The following SERPINB6 variants were observed in gnomAD, a reference collection of about 807,000 sequenced individuals.
The protein encoded by SERPINB6 is serpin B6.
Under a neutral mutation model 26.1 loss-of-function variants are expected in SERPINB6, and 16 were observed. The observed-to-expected ratio is 0.61, with a 90% CI of 0.42 to 0.93. The LOEUF is 0.93. Ranked by LOEUF, SERPINB6 falls within the 40% of genes least tolerant of loss-of-function variation. The pLI is 0.00. For missense variants in SERPINB6, 420 were observed against 478.0 expected, an observed-to-expected ratio of 0.88 and a Z score of 1.13; for synonymous variants, 174 against 176.6, an observed-to-expected ratio of 0.99 and a Z score of 0.11.
rs181073094 is a variant in SERPINB6 at position 2,955,514 on chromosome 6, T to G, written c.312+10A>C. 7.0e-5 allele frequency: 113 copies of G among 1,614,196 alleles called. No individual in the cohort carries two copies. In the African/African-American group the frequency reaches 1.4e-3, roughly 21 times the overall value. ...TATTTCTTTAGTGAATAAGAGCAAG[T>G]ATGACTTACTGAGAGGAAATCACAA... On this transcript the variant is annotated intron_variant, in intron 3 of 6. Coordinates refer to ENST00000380539, the MANE Select transcript of SERPINB6 (RefSeq NM_004568.6).
Position 2,962,182 on chromosome 6 carries a change from G to A in SERPINB6, c.-10-2840C>T, listed in dbSNP as rs1771192897. ...ACCTTTGTCTGAAGACACGCCCACT[G>A]GGGAGGTGCCTGTCTGGCCAGCCCA... On this transcript the variant is annotated intron_variant, in intron 1 of 6. Coordinates refer to ENST00000380539, the MANE Select transcript of SERPINB6 (RefSeq NM_004568.6). 6.1e-6 allele frequency: 6 copies of A among 985,362 alleles called. No individual in the cohort carries two copies. The Admixed American group carries it at 1.8e-4, about 30-fold the overall frequency. The allele number at this position is 985,362 out of a possible 1,614,324, so 61.0% of individuals were successfully genotyped here.
chr6:2,960,176 G>C (rs3823089), intron 1 of SERPINB6: 2,449 of 152,864 alleles, frequency 0.016, 41 homozygotes, highest in South Asian at 0.06. Context: ...CTGGATAGTC[G>C]GGAGGGGGGA....
intron 1 of SERPINB6, chr6:2,962,114 C>T: frequency 1.0e-6 from 1 of 985,422 alleles, no homozygotes; most frequent in South Asian, 4.7e-5. Flanking sequence ...GAATCTGTTT[C>T]AGGCGCTGAT....
chr6:2,961,944 TC>T (rs1771160946), intron 1 of SERPINB6: 1 of 983,772 alleles, frequency 1.0e-6, no homozygotes, highest in South Asian at 4.7e-5. Context: ...CAGGCTGCTC[TC>T]CAACGCCTGG....
In SERPINB6 at chr6:2,948,858, C is replaced by A; in HGVS notation, c.729+56G>T. The A allele has an allele frequency of 6.2e-7, 1 of 1,609,520 alleles. No homozygotes were observed. Among genetic ancestry groups the A allele is most frequent in the South Asian group, 1.1e-5 (1 of 90,938 alleles). ...CGCAAAGTAGGGACAGCAGCCACAG[C>A]AGACACCCCCGAGTGGCTCCTTGCT... On this transcript the variant is annotated intron_variant, in intron 6 of 6. Coordinates refer to ENST00000380539, the MANE Select transcript of SERPINB6 (RefSeq NM_004568.6). The surrounding 1 kb of genome is among the most constrained non-coding windows in gnomAD (Gnocchi z 5.0).
At position 2,967,893 on chromosome 6, in the gene SERPINB6, T is replaced by A. The variant is rs1771772545; in HGVS notation, c.-11+3640A>T. The A allele has an allele frequency of 6.6e-6, 1 of 152,206 alleles. No homozygotes were observed. The highest frequency in any genetic ancestry group is 1.5e-5 in the Non-Finnish European group (1 of 68,056). 9.4% of individuals were successfully genotyped at this position (152,206 alleles called of 1,614,324 possible). On this transcript the variant is annotated intron_variant, in intron 1 of 6. Coordinates refer to ENST00000380539, the MANE Select transcript of SERPINB6 (RefSeq NM_004568.6). This position sits in a 1 kb window ranked among gnomAD's most constrained non-coding sequence, Gnocchi z 4.3. Reference sequence around the variant, plus strand: ...TTGGGGAAAGCAGTGTGGCGATTCCTCAGAGCTAAAAACAGAACTACCATT... The same window carrying A: ...TTGGGGAAAGCAGTGTGGCGATTCCACAGAGCTAAAAACAGAACTACCATT...
chr6:2,957,933 G>A (rs1770676464), intron 2 of SERPINB6: 1 of 152,338 alleles, frequency 6.6e-6, no homozygotes, highest in African/African-American at 2.4e-5. Flanking sequence ...GGGCTGAGAG[G>A]TGAACAATAC....
chr6:2,953,192 C>G lies in SERPINB6; in HGVS notation c.431-6G>C. 2.5e-6 allele frequency: 4 copies of G among 1,614,130 alleles called. No individual in the cohort carries two copies. Among genetic ancestry groups the G allele is most frequent in the Non-Finnish European group, 3.4e-6 (4 of 1,180,006 alleles). ...GAGCAACTCCGCAATTTTACCTGAGCGGAAGAATTCAAGACCGCATTAGAT... is the reference window on the plus strand; with the variant it reads ...GAGCAACTCCGCAATTTTACCTGAGGGGAAGAATTCAAGACCGCATTAGAT... On this transcript the variant is annotated splice_polypyrimidine_tract_variant and splice_region_variant and intron_variant, in intron 4 of 6. Coordinates refer to ENST00000380539, the MANE Select transcript of SERPINB6 (RefSeq NM_004568.6).
At chr6:2,952,879 G>A (rs1411804437) in intron 5 of SERPINB6, among the ~76,000 whole-genome samples, 165 bp downstream of exon 5, 1 of 152,238 alleles carries the variant, frequency 6.6e-6, no homozygotes, top group Non-Finnish European at 1.5e-5. Context: ...TTGCCCTGTA[G>A]GTGGCAGGGC....
rs1411209448 is a variant in SERPINB6 at position 2,948,785 on chromosome 6, G to C, written c.730-86C>G. 38 of 1,552,394 alleles carry C rather than the reference G, an allele frequency of 2.4e-5. 2 individuals are homozygous for C. In the Middle Eastern group the frequency reaches 8.4e-4, roughly 34 times the overall value. Reference sequence around the variant, plus strand: ...GCTATGCTGTGGATGCCAGACACCAGTGGCAGCGTGGCTATGGTCAGCAGC... The same window carrying C: ...GCTATGCTGTGGATGCCAGACACCACTGGCAGCGTGGCTATGGTCAGCAGC... On this transcript the variant is annotated intron_variant, in intron 6 of 6. Transcript: ENST00000380539. This position sits in a 1 kb window ranked among gnomAD's most constrained non-coding sequence, Gnocchi z 5.0.
intron 3 of SERPINB6, 75 bp downstream of exon 3, chr6:2,955,449 G>A (rs1009130481): frequency 3.2e-6 from 5 of 1,569,464 alleles, no homozygotes; most frequent in East Asian, 2.2e-5. Flanking sequence ...AGAGCCACAC[G>A]CTTCCTGCTG....
rs1444575074 is a variant in SERPINB6 at position 2,968,702 on chromosome 6, CA to C, written c.-11+2830del. On this transcript the variant is annotated intron_variant, in intron 1 of 6. Coordinates refer to ENST00000380539, the MANE Select transcript of SERPINB6 (RefSeq NM_004568.6). ...GTCTCTCTTTTGTACCTAGACTTTC[CA>C]AACATTCCTAACAACCCTTGGATGT... 6 of 1,230,932 alleles carry C rather than the reference CA, an allele frequency of 4.9e-6. No homozygotes were observed. In the African/African-American group the frequency reaches 7.8e-5, roughly 16 times the overall value. The allele number at this position is 1,230,932 out of a possible 1,614,324, so 76.3% of individuals were successfully genotyped here.
intron 5 of SERPINB6, among the ~76,000 whole-genome samples, chr6:2,950,700 G>A (rs556129585): frequency 5.9e-5 from 9 of 152,308 alleles, no homozygotes; most frequent in African/African-American, 1.9e-4. Context: ...AAGACTGGAG[G>A]CCAGGAACCA....
At chr6:2,959,493 C>T (rs991656971) in intron 1 of SERPINB6, 151 bp from the exon 2 acceptor site, 2 of 757,442 alleles carry the variant, frequency 2.6e-6, no homozygotes, top group Admixed American at 4.1e-5. Flanking sequence ...TAGGACCCTC[C>T]ACATTATTTT....
intron 1 of SERPINB6, chr6:2,969,787 T>TGTTG: frequency 2.1e-6 from 2 of 962,636 alleles, no homozygotes; most frequent in Non-Finnish European, 2.5e-6. Context: ...TGTGTGTGTG[T>TGTTG]TGTGTGTGTA....
chr6:2,949,114 T>G (rs1337305903), intron 5 of SERPINB6, 45 bp from the exon 6 acceptor site: 3 of 1,603,228 alleles, frequency 1.9e-6, no homozygotes, highest in Non-Finnish European at 2.6e-6. Flanking sequence ...AAGACCCCAC[T>G]GACACATGGG....
intron 1 of SERPINB6, among the ~76,000 whole-genome samples, chr6:2,962,665 C>T (rs370112162): frequency 6.6e-6 from 1 of 152,158 alleles, no homozygotes; most frequent in Admixed American, 6.5e-5. Flanking sequence ...TGCTGACAGC[C>T]GTGAAAGGTA....
At chr6:2,951,615 G>A (rs7763055) in intron 5 of SERPINB6, among the ~76,000 whole-genome samples, 31,924 of 151,940 alleles carry the variant, frequency 0.21, 3,929 homozygotes, top group African/African-American at 0.35. Context: ...ATATAGACAA[G>A]TTCCAGTTTA....
At chr6:2,959,387 C>G (rs1770856737) in intron 1 of SERPINB6, 45 bp from the exon 2 acceptor site, 2 of 1,598,706 alleles carry the variant, frequency 1.3e-6, no homozygotes, top group Non-Finnish European at 1.7e-6. Flanking sequence ...ACAGCTTCCA[C>G]GCGACTGCAT....
Sources: gnomAD v4.1 joint callset for allele counts (sites outside exome capture counted in the v4.1 genomes callset) on GRCh38, gnomAD v4.1.1 for gene constraint, Gnocchi (gnomAD v3.1) non-coding constraint, MANE v1.5 for transcripts, NCBI Gene and HGNC (gene_info 2026-07-23, HGNC 2026-07-21) for gene names.